Variants in LRRK1 observed in about 807,000 individuals in gnomAD.
LRRK1 encodes leucine rich repeat kinase 1.
Under a neutral mutation model 209.1 loss-of-function variants are expected in LRRK1, and 113 were observed. The ratio of observed to expected loss-of-function variants is 0.54; its 90% CI spans 0.46 to 0.63. LRRK1 has a LOEUF of 0.63. Among genes scored for constraint, LRRK1 ranks in the 30% least tolerant of loss-of-function variants. The pLI is 0.00. For missense variants in LRRK1, 2,284 were observed against 2,632.2 expected, an observed-to-expected ratio of 0.87 and a Z score of 2.89; for synonymous variants, 1,144 against 1,099.7, an observed-to-expected ratio of 1.04 and a Z score of -0.80.
chr15:101,030,886 G>GCAC, intron 20 of LRRK1, among the ~76,000 whole-genome samples: 1 of 152,060 alleles, frequency 6.6e-6, no homozygotes, highest in Admixed American at 6.6e-5. Context: ...CACCCTATTT[G>GCAC]TGTCTTTTAT....
chr15:101,039,613 G>A (rs1200923415), intron 20 of LRRK1, among the ~76,000 whole-genome samples: 1 of 152,008 alleles, frequency 6.6e-6, no homozygotes, highest in African/African-American at 2.4e-5. Context: ...CGGATCTCTA[G>A]CGAAGGTTTA....
At position 100,924,696 on chromosome 15, in the gene LRRK1, G is replaced by A. The variant is rs2042078587; in HGVS notation, c.64G>A (p.Val22Met). 1.2e-6 allele frequency: 2 copies of A among 1,614,174 alleles called. No homozygotes were observed. The highest frequency in any genetic ancestry group is 1.1e-5 in the South Asian group (1 of 91,080). ...YWCVGPEESAVCPERAMETLN... is the reference protein window; with the variant it reads ...YWCVGPEESAMCPERAMETLN... The stretch of plus-strand genomic sequence containing the variant: ...GTGTGTGGGGCCGGAGGAGTCAGCT[G>A]TGTGTCCAGAACGTGCCATGGAGAC... Residue 22 changes from valine to methionine, a missense_variant, in exon 2 of 34, where the codon GTG becomes ATG. Coordinates refer to ENST00000388948, the MANE Select transcript of LRRK1 (RefSeq NM_024652.6).
intron 2 of LRRK1, 26 bp from the exon 3 acceptor site, chr15:100,973,778 G>A (rs2031109505): frequency 1.6e-6 from 2 of 1,267,142 alleles, no homozygotes; most frequent in Non-Finnish European, 2.0e-6. Context: ...CGGTGACGCC[G>A]TGTGTGTGTG....
In LRRK1 at chr15:101,057,657, T is replaced by G. The variant is rs559731024; in HGVS notation, c.4528-333T>G. On this transcript the variant is annotated intron_variant, in intron 28 of 33. Coordinates refer to ENST00000388948, the MANE Select transcript of LRRK1 (RefSeq NM_024652.6). The stretch of plus-strand genomic sequence containing the variant: ...TGAGCCCAGGAGTTTTAGGCTATGG[T>G]GCGCCCTGATCGCACCTGTGAGTAG... Among the ~76,000 whole-genome samples the G allele has an allele frequency of 1.1e-4, 16 of 152,284 alleles. No individual in the cohort carries two copies. In the South Asian group the frequency reaches 2.1e-3, roughly 20 times the overall value.
chr15:101,027,750 A>T lies in LRRK1; in HGVS notation c.2639A>T (p.Glu880Val), dbSNP rs767199367. The T allele has an allele frequency of 6.2e-7, 1 of 1,605,918 alleles. No individual in the cohort carries two copies. Among genetic ancestry groups the T allele is most frequent in the Non-Finnish European group, 8.5e-7 (1 of 1,176,602 alleles). The part of the protein sequence containing the change: ...LTDRQLEQLV[E>V]QTPDNDIKDY... ...GACAGGCAGCTGGAGCAGCTGGTGG[A>T]GCAGACGCCCGACAACGACATCAAG... The change falls in exon 19 of 34, where the codon GAG becomes GTG. Residue 880 changes from glutamate to valine, a missense_variant. Coordinates refer to ENST00000388948, the MANE Select transcript of LRRK1 (RefSeq NM_024652.6). The surrounding 1 kb of genome is among the most constrained non-coding windows in gnomAD (Gnocchi z 5.1).
At position 100,924,551 on chromosome 15, in the gene LRRK1, G is replaced by A. The variant is rs942254223; in HGVS notation, c.-82G>A. On this transcript the variant is annotated 5_prime_UTR_variant, in exon 2 of 34. Transcript: ENST00000388948. ...TGCTCAGCCATGGCTACGAGTCCAC[G>A]CCTTAATGCACCCCACAGCCAGCGG... 109 of 1,225,480 alleles carry A rather than the reference G, an allele frequency of 8.9e-5. No homozygotes were observed. The Middle Eastern group carries it at 9.6e-4, about 11-fold the overall frequency. 75.9% of individuals were successfully genotyped at this position (1,225,480 alleles called of 1,614,324 possible).
rs1360380885 is a variant in LRRK1, at chr15:101,053,396, A to T, written c.4030A>T (p.Thr1344Ser). The part of the protein sequence containing the change: ...LELAPLSSLN[T>S]VLSENARDSS... ...GCTCGCGCCGCTCAGCAGCCTCAAC[A>T]CCGTGCTGTCCGAGAACGCCAGAGG... The change falls in exon 26 of 34, where the codon ACC (threonine) becomes TCC (serine). Residue 1344 changes from threonine to serine, a missense_variant. Thr to Ser is a moderately conservative substitution (Grantham distance 58). Coordinates refer to ENST00000388948, the MANE Select transcript of LRRK1 (RefSeq NM_024652.6). The T allele has an allele frequency of 6.3e-7, 1 of 1,598,414 alleles. No homozygotes were observed. The highest frequency in any genetic ancestry group is 1.7e-5 in the Admixed American group (1 of 59,842).
At chr15:100,989,147 C>A in intron 5 of LRRK1, 103 bp from the exon 6 acceptor site, 3 of 1,024,078 alleles carry the variant, frequency 2.9e-6, no homozygotes, top group Non-Finnish European at 4.4e-6. Context: ...CCAACATGCA[C>A]AAGTACCTTT....
chr15:100,958,162 G>A (rs1211704341), intron 2 of LRRK1, among the ~76,000 whole-genome samples: 1 of 152,194 alleles, frequency 6.6e-6, no homozygotes, highest in Non-Finnish European at 1.5e-5. Context: ...AGCCTGTTCT[G>A]TAGTTCTTTT....
At chr15:101,018,360 C>A (rs1269340792) in intron 12 of LRRK1, among the ~76,000 whole-genome samples, 1 of 152,160 alleles carries the variant, frequency 6.6e-6, no homozygotes, top group African/African-American at 2.4e-5. Context: ...AGCCTTAGGA[C>A]TGTAGAAATT....
At chr15:100,988,938 C>T in intron 5 of LRRK1, 125 bp downstream of exon 5, 1 of 777,546 alleles carries the variant, frequency 1.3e-6, no homozygotes. Context: ...ACTTTTGCAA[C>T]TCCTGTTCTA....
intron 21 of LRRK1, among the ~76,000 whole-genome samples, chr15:101,047,692 C>T (rs973160797): frequency 2.7e-5 from 4 of 150,268 alleles, no homozygotes; most frequent in African/African-American, 1.0e-4. Flanking sequence ...ATCCCCAGCC[C>T]GGGGCACGGA....
At chr15:100,962,557 A>T (rs759593723) in intron 2 of LRRK1, among the ~76,000 whole-genome samples, 3 of 150,838 alleles carry the variant, frequency 2.0e-5, no homozygotes, top group Non-Finnish European at 4.4e-5. Flanking sequence ...AAATTTTAAA[A>T]CTCCAGTCAT....
chr15:100,990,885 A>G (rs1405733712), intron 6 of LRRK1, among the ~76,000 whole-genome samples: 1 of 152,176 alleles, frequency 6.6e-6, no homozygotes, highest in Non-Finnish European at 1.5e-5. Context: ...ATGTGGTTAT[A>G]CAAGAAGGCC....
chr15:100,941,290 C>CTGTGTGTCTATG (rs1567190626), intron 2 of LRRK1, among the ~76,000 whole-genome samples: 1 of 28,204 alleles, frequency 3.5e-5, no homozygotes, highest in African/African-American at 2.2e-4. Context: ...GTGTGTGTGT[C>CTGTGTGTCTATG]TGTGTGTGTC....
At chr15:100,999,525 A>G (rs1255878986) in intron 6 of LRRK1, among the ~76,000 whole-genome samples, 2 of 152,214 alleles carry the variant, frequency 1.3e-5, no homozygotes, top group Non-Finnish European at 2.9e-5. Context: ...GCAGTTTTGT[A>G]TCCATGTGCG....
At position 101,027,548 on chromosome 15, in the gene LRRK1, C is replaced by A. The variant is rs1033359627; in HGVS notation, c.2527-90C>A. On this transcript the variant is annotated intron_variant, in intron 18 of 33. Coordinates refer to ENST00000388948, the MANE Select transcript of LRRK1 (RefSeq NM_024652.6). The surrounding 1 kb of genome is among the most constrained non-coding windows in gnomAD (Gnocchi z 5.1). ...ATAGTGGGTGGAAACGTCCCACCCC[C>A]TCAGGCCACAGGGGCCGGGCAGGAT... is the stretch of plus-strand genomic sequence containing the variant. The A allele has an allele frequency of 6.5e-7, 1 of 1,539,438 alleles. No individual in the cohort carries two copies. The highest frequency in any genetic ancestry group is 1.4e-5 in the African/African-American group (1 of 73,216).
intron 20 of LRRK1, among the ~76,000 whole-genome samples, chr15:101,033,535 G>C (rs2034371027): frequency 6.6e-6 from 1 of 152,026 alleles, no homozygotes; most frequent in Non-Finnish European, 1.5e-5. Context: ...GTTTCTCTTT[G>C]CCTGGTTTAT....
intron 22 of LRRK1, among the ~76,000 whole-genome samples, chr15:101,049,075 C>T (rs2035245092): frequency 6.6e-6 from 1 of 152,204 alleles, no homozygotes; most frequent in African/African-American, 2.4e-5. Context: ...CTCCACTGCC[C>T]ATAACCAGAC....
Sources: gnomAD v4.1 joint callset for allele counts (sites outside exome capture counted in the v4.1 genomes callset) on GRCh38, gnomAD v4.1.1 for gene constraint, Gnocchi (gnomAD v3.1) non-coding constraint, MANE v1.5 for transcripts, NCBI Gene and HGNC (gene_info 2026-07-23, HGNC 2026-07-21) for gene names.